Variants in GHRHR observed in about 807,000 individuals in gnomAD.
GHRHR encodes growth hormone-releasing hormone receptor.
GHRHR carries 40 observed loss-of-function variants against 58.3 expected under a neutral mutation model. The ratio of observed to expected loss-of-function variants is 0.69; its 90% CI spans 0.53 to 0.89. The LOEUF (loss-of-function observed/expected upper bound fraction) is 0.89. Among genes scored for constraint, GHRHR ranks in the 40% least tolerant of loss-of-function variants. The probability of loss-of-function intolerance (pLI) is 0.00; values close to 1 mark genes in which losing one functional copy is unlikely to be tolerated. For synonymous variants in GHRHR, 249 were observed against 216.6 expected (o/e 1.15, Z -1.31); for missense variants, 551 against 541.3 (o/e 1.02, Z -0.18).
intron 12 of GHRHR, among the ~76,000 whole-genome samples, chr7:30,978,880 C>CAAAGGCAGGGCTA (rs1165613322): frequency 6.6e-6 from 1 of 152,132 alleles, no homozygotes; most frequent in Non-Finnish European, 1.5e-5. Flanking sequence ...TGGGCTCAGA[C>CAAAGGCAGGGCTA]AAAGGCAGGG....
chr7:30,968,964 C>T (rs977460905), intron 2 of GHRHR, 28 bp downstream of exon 2: 1 of 1,570,014 alleles, frequency 6.4e-7, no homozygotes, highest in African/African-American at 1.4e-5. Context: ...CAGGTGGTGG[C>T]TTCTCTGATT....
In GHRHR at chr7:30,975,033, C is replaced by T. The variant is rs527387367; in HGVS notation, c.875C>T (p.Ser292Leu). The change falls in exon 9 of 13, where the codon TCG (serine) becomes TTG (leucine). Residue 292 changes from serine to leucine, a missense_variant. Ser to Leu is a moderately radical substitution (Grantham distance 145, BLOSUM62 -2). Coordinates refer to ENST00000326139, the MANE Select transcript of GHRHR (RefSeq NM_000823.4). ...ATCATCAAAGGGCCCATTGTCCTCT[C>T]GGTCGGGGTCAGTCCCTGGGCCAGT... ...WWIIKGPIVL[S>L]VGVNFGLFLN... The T allele has an allele frequency of 1.6e-5, 25 of 1,609,206 alleles. No homozygotes were observed. In the East Asian group the frequency reaches 1.8e-4, roughly 11 times the overall value.
chr7:30,968,794 C>T (rs757621152), intron 1 of GHRHR, 40 bp from the exon 2 acceptor site: 3 of 1,415,248 alleles, frequency 2.1e-6, no homozygotes, highest in African/African-American at 2.8e-5. Context: ...CAGAAAGACA[C>T]CCAAATGGCT....
Position 30,974,971 on chromosome 7 carries a change from G to A in GHRHR, c.813G>A (p.Ala271=). The change falls in exon 9 of 13, where the codon GCG becomes GCA. Residue 271 remains alanine (A), a splice_region_variant and synonymous_variant. Transcript: ENST00000326139. ...ACGGCCTTCTTTCCTCTCTCCCCAG[G>A]TGCTGGGACCTGGACGACACCTCCC... ...VSCKLAFEDI[A]CWDLDDTSPY... 6.2e-7 allele frequency: 1 copy of A among 1,608,838 alleles called. No individual in the cohort carries two copies. Among genetic ancestry groups the A allele is most frequent in the South Asian group, 1.1e-5 (1 of 90,946 alleles).
rs532048059 is a variant in GHRHR, at chr7:30,973,923, G to A, written c.598-62G>A. On this transcript the variant is annotated intron_variant, in intron 6 of 12. Coordinates refer to ENST00000326139, the MANE Select transcript of GHRHR (RefSeq NM_000823.4). ...GGTTCTGTATCTGAGTAGGGTAGAG[G>A]AGACTGGGATGGGGCTCCAGTGGGT... 3.1e-5 allele frequency: 47 copies of A among 1,526,638 alleles called. No individual in the cohort carries two copies. In the African/African-American group the frequency reaches 5.8e-4, roughly 19 times the overall value. 94.6% of individuals were successfully genotyped at this position (1,526,638 alleles called of 1,614,324 possible).
chr7:30,976,118 G>A, intron 10 of GHRHR: 1 of 579,406 alleles, frequency 1.7e-6, no homozygotes, highest in Non-Finnish European at 3.1e-6. Context: ...GGGAGCCTGG[G>A]GAGAGGGATC....
rs142833343 is a variant in GHRHR, at chr7:30,964,115, C to T, written c.47C>T (p.Pro16Leu). ...GCCCACGTCTTCTGCGTGTTGAGCC[C>T]GTTACCGACCGTGAGTAGCCAGCTG... Reference protein sequence around the residue: ...WGAHVFCVLSPLPTVLGHMHP... With the variant: ...WGAHVFCVLSLLPTVLGHMHP... Residue 16 changes from proline to leucine, a missense_variant, in exon 1 of 13, where the codon CCG (proline) becomes CTG (leucine). Physicochemically the swap from Pro to Leu is moderately conservative, Grantham distance 98. Transcript: ENST00000326139. 1.7e-4 allele frequency: 261 copies of T among 1,549,058 alleles called. 1 individual carries two copies. The East Asian group carries it at 4.9e-3, about 29-fold the overall frequency.
chr7:30,973,605 C>A (rs1344277797), intron 6 of GHRHR, among the ~76,000 whole-genome samples: 8 of 152,092 alleles, frequency 5.3e-5, no homozygotes. Context: ...AGTCACAGCT[C>A]TAGGGATTGA....
chr7:30,965,860 C>T (rs151083670), intron 1 of GHRHR, among the ~76,000 whole-genome samples: 31 of 152,320 alleles, frequency 2.0e-4, no homozygotes, highest in African/African-American at 5.3e-4. Context: ...CTTCCTTCCC[C>T]GCTTTGTGCG....
Position 30,975,050 on chromosome 7 carries a change from TG to T in GHRHR, c.882+13del. On this transcript the variant is annotated intron_variant, in intron 9 of 12. Coordinates refer to ENST00000326139, the MANE Select transcript of GHRHR (RefSeq NM_000823.4). ...TGTCCTCTCGGTCGGGGTCAGTCCC[TG>T]GGCCAGTGCCCTTTGCTTTATTCAG... is the stretch of plus-strand genomic sequence containing the variant. 1 of 1,586,844 alleles carries T rather than the reference TG, an allele frequency of 6.3e-7. No homozygotes were observed. The highest frequency in any genetic ancestry group is 8.7e-7 in the Non-Finnish European group (1 of 1,154,924).
chr7:30,971,122 T>A lies in GHRHR; in HGVS notation c.370T>A (p.Ser124Thr). 1 of 1,408,696 alleles carries A rather than the reference T, an allele frequency of 7.1e-7. No homozygotes were observed. The highest frequency in any genetic ancestry group is 9.8e-7 in the Non-Finnish European group (1 of 1,015,762). 87.3% of individuals were successfully genotyped at this position (1,408,696 alleles called of 1,614,324 possible). The change falls in exon 5 of 13, where the codon TCT (serine) becomes ACT (threonine). Residue 124 changes from serine to threonine, a missense_variant. Ser to Thr is a moderately conservative substitution (Grantham distance 58). Transcript: ENST00000326139. ...CTTCTGTCTCTGCCCTTCCCAGGAA[T>A]CTTACTTCTCCACAGTGAAGATTAT... ...VPLELLAEEE[S>T]YFSTVKIIYT...
chr7:30,979,025 C>A, intron 12 of GHRHR, 94 bp from the exon 13 acceptor site: 1 of 1,217,500 alleles, frequency 8.2e-7, no homozygotes, highest in Non-Finnish European at 1.2e-6. Context: ...CTCTGTTTCT[C>A]TTACACGGCC....
At position 30,979,474 on chromosome 7, in the gene GHRHR, T is replaced by A. The variant is rs920150513; in HGVS notation, c.*230T>A. 25 of 500,396 alleles carry A rather than the reference T, an allele frequency of 5.0e-5. 1 individual carries two copies. Among genetic ancestry groups the A allele is most frequent in the Middle Eastern group, 5.6e-4 (1 of 1,794 alleles). The allele number at this position is 500,396 out of a possible 1,614,324, so 31.0% of individuals were successfully genotyped here. On this transcript the variant is annotated 3_prime_UTR_variant, in exon 13 of 13. Transcript: ENST00000326139. ...GTCTGCTCTCATCCATTCCTCTTAC[T>A]GGGGCCTGGGGCTCTAGCCCAAGGC...
At chr7:30,976,784 GCATCCATCCATC>G (rs1053790517) in intron 11 of GHRHR, among the ~76,000 whole-genome samples, 2 of 150,496 alleles carry the variant, frequency 1.3e-5, no homozygotes, top group African/African-American at 2.5e-5. Flanking sequence ...ATCCATCCGT[GCATCCATCCATC>G]CATCCATACA....
At chr7:30,975,484 C>T (rs1446396122) in intron 9 of GHRHR, among the ~76,000 whole-genome samples, 1 of 152,192 alleles carries the variant, frequency 6.6e-6, no homozygotes, top group Non-Finnish European at 1.5e-5. Context: ...GGGACATCTG[C>T]TTTGTGCTAG....
intron 1 of GHRHR, among the ~76,000 whole-genome samples, 166 bp downstream of exon 1, chr7:30,964,291 G>T (rs1232187035): frequency 6.6e-6 from 1 of 152,168 alleles, no homozygotes; most frequent in Non-Finnish European, 1.5e-5. Context: ...TGACACTGGG[G>T]CTCCCTCCCT....
chr7:30,968,104 C>A (rs191230996), intron 1 of GHRHR, among the ~76,000 whole-genome samples: 5 of 152,134 alleles, frequency 3.3e-5, no homozygotes, highest in Non-Finnish European at 7.3e-5. Flanking sequence ...CTATAAGGAG[C>A]CTTGCGATTA....
intron 12 of GHRHR, among the ~76,000 whole-genome samples, chr7:30,978,697 C>T (rs1792633012): frequency 6.6e-6 from 1 of 152,150 alleles, no homozygotes; most frequent in African/African-American, 2.4e-5. Context: ...ACCCCTCAGA[C>T]AGAGTTCTGA....
chr7:30,964,753 T>C lies in GHRHR; in HGVS notation c.57+628T>C, dbSNP rs372421976. ...GCTGGAGAGGCTTTTGGCAACCAAA[T>C]TGTACTCCATGGGCTAGAGCGCTGG... On this transcript the variant is annotated intron_variant, in intron 1 of 12. Transcript: ENST00000326139. Among the ~76,000 whole-genome samples the C allele has an allele frequency of 8.5e-5, 13 of 152,162 alleles. No homozygotes were observed. In the East Asian group the frequency reaches 9.6e-4, roughly 11 times the overall value.
Sources: allele counts gnomAD v4.1 joint callset (sites outside exome capture counted in the v4.1 genomes callset), GRCh38; gene constraint gnomAD v4.1.1; transcripts MANE v1.5; gene names NCBI Gene and HGNC (gene_info 2026-07-23, HGNC 2026-07-21).